EPB41L2: variants seen among roughly 807,000 people sequenced by gnomAD.
The protein encoded by EPB41L2 is band 4.1-like protein 2.
In EPB41L2, 43 loss-of-function variants were observed where a neutral mutation model predicts 113.0. That is an observed-to-expected ratio of 0.38 (90% CI 0.30 to 0.49). EPB41L2 has a LOEUF of 0.49. EPB41L2 is among the 20% of genes least tolerant of loss of function. The pLI is 0.95. For synonymous variants in EPB41L2, 442 were observed against 436.7 expected (o/e 1.01, Z -0.15); for missense variants, 1,147 against 1,223.4 (o/e 0.94, Z 0.93).
At chr6:130,955,424 C>T (rs1817101342) in intron 2 of EPB41L2, 107 bp from the exon 3 acceptor site, 8 of 1,059,726 alleles carry the variant, frequency 7.5e-6, no homozygotes, top group Non-Finnish European at 1.1e-5. Context: ...ACTTTAAACA[C>T]TGTAACTTTC....
At chr6:131,030,404 C>G (rs1013521570) in intron 1 of EPB41L2, among the ~76,000 whole-genome samples, 8 of 152,170 alleles carry the variant, frequency 5.3e-5, no homozygotes. Context: ...ATAGCCAGGA[C>G]CTGGCTAAAA....
intron 5 of EPB41L2, among the ~76,000 whole-genome samples, chr6:130,908,136 C>A (rs1173124563): frequency 6.6e-6 from 1 of 152,190 alleles, no homozygotes; most frequent in Non-Finnish European, 1.5e-5. Flanking sequence ...AAAACAGCCA[C>A]AGGCAAAACA....
intron 1 of EPB41L2, among the ~76,000 whole-genome samples, chr6:130,973,096 C>T (rs1051794446): frequency 4.6e-5 from 7 of 151,948 alleles, no homozygotes; most frequent in Admixed American, 4.6e-4. Flanking sequence ...TGAGTGGCTC[C>T]ATCTCAAAAA....
At chr6:130,857,592 T>C (rs1780680691) in intron 19 of EPB41L2, among the ~76,000 whole-genome samples, 2 of 146,262 alleles carry the variant, frequency 1.4e-5, no homozygotes. Flanking sequence ...GAGTCTCACT[T>C]CTGTTGCCCA....
intron 5 of EPB41L2, among the ~76,000 whole-genome samples, chr6:130,908,244 A>C (rs1386008849): frequency 6.6e-6 from 1 of 152,196 alleles, no homozygotes; most frequent in Non-Finnish European, 1.5e-5. Context: ...GGAAAAGGGG[A>C]AGAAATGAAC....
At chr6:131,023,729 G>GTATA (rs1554340459) in intron 1 of EPB41L2, among the ~76,000 whole-genome samples, 1 of 119,358 alleles carries the variant, frequency 8.4e-6, no homozygotes, top group Non-Finnish European at 1.8e-5. Flanking sequence ...GTGTGTGTGT[G>GTATA]TATATATATC....
intron 1 of EPB41L2, among the ~76,000 whole-genome samples, chr6:130,983,011 A>G (rs1779723290): frequency 6.6e-6 from 1 of 152,242 alleles, no homozygotes; most frequent in African/African-American, 2.4e-5. Flanking sequence ...TTGACATCAC[A>G]CCATGATGCT....
intron 1 of EPB41L2, among the ~76,000 whole-genome samples, chr6:130,968,579 C>G (rs1312430852): frequency 2.0e-5 from 3 of 152,150 alleles, no homozygotes; most frequent in Admixed American, 2.0e-4. Context: ...CAAATGTTGG[C>G]CCCAGTCCAC....
Position 130,920,495 on chromosome 6 carries a change from T to C in EPB41L2, c.810+6110A>G, listed in dbSNP as rs74297856. Among the ~76,000 whole-genome samples the C allele has an allele frequency of 0.011, 1,727 of 152,276 alleles. 185 individuals carry two copies. In the East Asian group the frequency reaches 0.26, roughly 23 times the overall value. On this transcript the variant is annotated intron_variant, in intron 4 of 19. Coordinates refer to ENST00000337057, the MANE Select transcript of EPB41L2 (RefSeq NM_001431.4). Reference sequence around the variant, plus strand: ...ATTTACACTCACTGTCAAATTTCTCTTTTTTTCTTTCTTCTTTTTAGGCAA... The same window carrying C: ...ATTTACACTCACTGTCAAATTTCTCCTTTTTTCTTTCTTCTTTTTAGGCAA...
Position 131,045,092 on chromosome 6 carries a change from C to A in EPB41L2, c.-15+18063G>T, listed in dbSNP as rs528150669. Among the ~76,000 whole-genome samples, 319 of 152,222 alleles carry A rather than the reference C, an allele frequency of 2.1e-3. 1 individual carries two copies. Among genetic ancestry groups the A allele is most frequent in the South Asian group, 3.5e-3 (17 of 4,814 alleles). ...AACACCAGCTCTCAACAAGTTGCCCCCCAGTAAGTTTTATCCCTTCAGTTA... is the reference window on the plus strand; with the variant it reads ...AACACCAGCTCTCAACAAGTTGCCCACCAGTAAGTTTTATCCCTTCAGTTA... On this transcript the variant is annotated intron_variant, in intron 1 of 19. Coordinates refer to ENST00000337057, the MANE Select transcript of EPB41L2 (RefSeq NM_001431.4).
chr6:130,914,432 G>A (rs1800325478), intron 4 of EPB41L2, among the ~76,000 whole-genome samples: 1 of 152,172 alleles, frequency 6.6e-6, no homozygotes, highest in Admixed American at 6.5e-5. Flanking sequence ...TGTATTCACA[G>A]GCGAGATGAC....
chr6:130,938,843 G>C (rs1809806469), intron 3 of EPB41L2, among the ~76,000 whole-genome samples: 2 of 152,178 alleles, frequency 1.3e-5, no homozygotes, highest in African/African-American at 4.8e-5. Context: ...TCAAACTGCT[G>C]ATCCTCTGTT....
chr6:130,926,580 T>C, intron 4 of EPB41L2, 25 bp downstream of exon 4: 2 of 1,483,644 alleles, frequency 1.3e-6, no homozygotes, highest in Non-Finnish European at 1.9e-6. Flanking sequence ...TCTAAAAAGA[T>C]AAAAATAAAC....
intron 4 of EPB41L2, among the ~76,000 whole-genome samples, chr6:130,911,517 CAAT>C (rs1171686543): frequency 6.6e-6 from 1 of 151,160 alleles, no homozygotes; most frequent in Non-Finnish European, 1.5e-5. Context: ...ACTTAAAGTA[CAAT>C]AATAATAAAA....
chr6:131,027,538 G>C (rs1791160815), intron 1 of EPB41L2, among the ~76,000 whole-genome samples: 1 of 152,176 alleles, frequency 6.6e-6, no homozygotes, highest in Non-Finnish European at 1.5e-5. Flanking sequence ...AACCTGCAGA[G>C]ACTCAAATGT....
chr6:131,004,318 A>G (rs1343933706), intron 1 of EPB41L2, among the ~76,000 whole-genome samples: 2 of 152,210 alleles, frequency 1.3e-5, no homozygotes, highest in African/African-American at 4.8e-5. Flanking sequence ...GTAAGCTCCA[A>G]TCCTCAATCT....
At chr6:130,995,875 C>A (rs1243650131) in intron 1 of EPB41L2, among the ~76,000 whole-genome samples, 2 of 152,180 alleles carry the variant, frequency 1.3e-5, no homozygotes, top group African/African-American at 2.4e-5. Context: ...CTTCCCAATC[C>A]TTTTCTATCT....
At chr6:131,015,215 C>T (rs941646812) in intron 1 of EPB41L2, 18 of 152,096 alleles carry the variant, frequency 1.2e-4, no homozygotes, top group Admixed American at 3.3e-4. Context: ...CATCTGTAAT[C>T]GATACTACTT....
chr6:130,873,511 T>C (rs79600473), intron 14 of EPB41L2, among the ~76,000 whole-genome samples: 3,836 of 150,216 alleles, frequency 0.026, 167 homozygotes, highest in African/African-American at 0.09. Context: ...TCACTCAGGC[T>C]GGAGTGCAGT....
Sources: allele counts gnomAD v4.1 joint callset (sites outside exome capture counted in the v4.1 genomes callset), GRCh38; gene constraint gnomAD v4.1.1; transcripts MANE v1.5; gene names NCBI Gene and HGNC (gene_info 2026-07-23, HGNC 2026-07-21).